SIPA1L1: variants seen among roughly 807,000 people sequenced by gnomAD.
SIPA1L1 encodes the protein signal induced proliferation associated 1 like 1.
A neutral mutation model predicts 162.7 loss-of-function variants in SIPA1L1; 26 were observed. That is an observed-to-expected ratio of 0.16 (90% confidence interval 0.12 to 0.22). The LOEUF is 0.22. Among genes scored for constraint, SIPA1L1 ranks in the 10% least tolerant of loss-of-function variants. The pLI, the probability that SIPA1L1 is intolerant of heterozygous loss-of-function variation, is 1.00. For missense variants in SIPA1L1, 1,874 were observed against 2,241.0 expected, an observed-to-expected ratio of 0.84 and a Z score of 3.31; for synonymous variants, 829 against 837.4, an observed-to-expected ratio of 0.99 and a Z score of 0.17.
intron 2 of SIPA1L1, among the ~76,000 whole-genome samples, chr14:71,359,913 T>C (rs1367641057): frequency 6.6e-6 from 1 of 152,180 alleles, no homozygotes; most frequent in Non-Finnish European, 1.5e-5. Flanking sequence ...GACTTGGACA[T>C]GTAGCTGATT....
intron 4 of SIPA1L1, among the ~76,000 whole-genome samples, chr14:71,545,280 T>C (rs1030914752): frequency 6.6e-6 from 1 of 152,230 alleles, no homozygotes; most frequent in Non-Finnish European, 1.5e-5. Flanking sequence ...TGGGATTTCA[T>C]TGATACTGTT....
At chr14:71,427,776 GA>G in intron 2 of SIPA1L1, among the ~76,000 whole-genome samples, 2 of 151,654 alleles carry the variant, frequency 1.3e-5, no homozygotes, top group African/African-American at 4.8e-5. Flanking sequence ...ATCTCTTTAT[GA>G]ATATTTTCAT....
intron 7 of SIPA1L1, among the ~76,000 whole-genome samples, chr14:71,634,682 A>G (rs2040942191): frequency 6.6e-6 from 1 of 152,140 alleles, no homozygotes; most frequent in Non-Finnish European, 1.5e-5. Flanking sequence ...CACGTCTGTA[A>G]TCCCAGCACT....
At chr14:71,576,313 G>A (rs1051502289) in intron 4 of SIPA1L1, among the ~76,000 whole-genome samples, 1 of 152,216 alleles carries the variant, frequency 6.6e-6, no homozygotes, top group Non-Finnish European at 1.5e-5. Context: ...GGGTCTTCAT[G>A]TACAAACTGC....
chr14:71,724,662 T>C lies in SIPA1L1; in HGVS notation c.4449-8T>C. 1 of 1,607,380 alleles carries C rather than the reference T, an allele frequency of 6.2e-7. No homozygotes were observed. The highest frequency in any genetic ancestry group is 8.5e-7 in the Non-Finnish European group (1 of 1,177,796). On this transcript the variant is annotated splice_region_variant and splice_polypyrimidine_tract_variant and intron_variant, in intron 18 of 23. Transcript: ENST00000381232. ...TGGTATCTATCATCTCTTCCCTTTT[T>C]TGTCCAGGCGTCATCAGAGCGATGG...
intron 2 of SIPA1L1, among the ~76,000 whole-genome samples, chr14:71,426,880 C>T (rs2043609783): frequency 6.6e-6 from 1 of 152,190 alleles, no homozygotes; most frequent in Non-Finnish European, 1.5e-5. Context: ...AGAATTACAT[C>T]TTTATACCTT....
intron 2 of SIPA1L1, among the ~76,000 whole-genome samples, chr14:71,351,975 G>A (rs1220813277): frequency 6.6e-6 from 1 of 150,478 alleles, no homozygotes; most frequent in South Asian, 2.1e-4. Context: ...AATATATCTA[G>A]TATGTGAGAT....
intron 4 of SIPA1L1, among the ~76,000 whole-genome samples, chr14:71,546,461 A>G (rs2055212720): frequency 7.1e-6 from 1 of 140,762 alleles, no homozygotes; most frequent in South Asian, 2.2e-4. Flanking sequence ...AGCTCACTGC[A>G]ACCTCCGCCT....
chr14:71,606,208 T>C (rs182446852), intron 5 of SIPA1L1, among the ~76,000 whole-genome samples: 3 of 152,236 alleles, frequency 2.0e-5, no homozygotes, highest in African/African-American at 7.2e-5. Flanking sequence ...GTGGAAAACA[T>C]GCCCTTCCCT....
chr14:71,440,633 T>TGA (rs1449345456), intron 2 of SIPA1L1, among the ~76,000 whole-genome samples: 13 of 103,558 alleles, frequency 1.3e-4, no homozygotes, highest in African/African-American at 5.1e-4. Flanking sequence ...TGGGTGACAG[T>TGA]GAGAACCCAT....
At chr14:71,351,076 T>C (rs538554616) in intron 2 of SIPA1L1, among the ~76,000 whole-genome samples, 3 of 152,362 alleles carry the variant, frequency 2.0e-5, no homozygotes, top group Admixed American at 2.0e-4. Context: ...CAAATTACTT[T>C]TCAAGTTTAA....
At chr14:71,671,027 G>A (rs532836709) in intron 10 of SIPA1L1, 92 bp from the exon 11 acceptor site, 1 of 986,074 alleles carries the variant, frequency 1.0e-6, no homozygotes, top group East Asian at 2.4e-5. Flanking sequence ...TTGTATCTGA[G>A]GTACATCTTT....
chr14:71,537,523 C>T lies in SIPA1L1; in HGVS notation c.-303+8153C>T, dbSNP rs143175290. Among the ~76,000 whole-genome samples, 15 of 152,258 alleles carry T rather than the reference C, an allele frequency of 9.9e-5. No individual in the cohort carries two copies. The East Asian group carries it at 2.1e-3, about 22-fold the overall frequency. On this transcript the variant is annotated intron_variant, in intron 4 of 23. Coordinates refer to ENST00000381232, the MANE Select transcript of SIPA1L1 (RefSeq NM_001386936.1). ...CCTGGCTAAGTTTACTACTTCTACA[C>T]GAAGACAGACTGATAGGTTTTTATT...
chr14:71,737,399 G>T (rs1017031171), intron 22 of SIPA1L1, among the ~76,000 whole-genome samples: 1 of 152,156 alleles, frequency 6.6e-6, no homozygotes, highest in African/African-American at 2.4e-5. Context: ...TCTGTGGTGT[G>T]CCCCTGAGGA....
At chr14:71,539,141 C>G (rs1451038239) in intron 4 of SIPA1L1, among the ~76,000 whole-genome samples, 2 of 152,166 alleles carry the variant, frequency 1.3e-5, no homozygotes, top group Admixed American at 1.3e-4. Context: ...GTTTGGAGGA[C>G]AGTCAGTGCA....
intron 10 of SIPA1L1, among the ~76,000 whole-genome samples, chr14:71,663,246 G>A (rs1427223951): frequency 2.6e-5 from 4 of 152,088 alleles, no homozygotes; most frequent in Admixed American, 1.3e-4. Context: ...TGTGATTTCA[G>A]CATTTAACAA....
At chr14:71,654,739 A>G (rs2042917142) in intron 8 of SIPA1L1, among the ~76,000 whole-genome samples, 3 of 152,202 alleles carry the variant, frequency 2.0e-5, no homozygotes, top group Admixed American at 6.5e-5. Context: ...TTAAAGCTCT[A>G]TACAAATATG....
intron 17 of SIPA1L1, among the ~76,000 whole-genome samples, chr14:71,720,264 T>C (rs1354111257): frequency 6.6e-6 from 1 of 152,192 alleles, no homozygotes; most frequent in Non-Finnish European, 1.5e-5. Flanking sequence ...ACATCCTCTT[T>C]AGGGCCAATA....
At chr14:71,735,441 A>C (rs1187417736) in intron 22 of SIPA1L1, 50 bp downstream of exon 22, 1 of 1,265,108 alleles carries the variant, frequency 7.9e-7, no homozygotes, top group South Asian at 1.2e-5. Context: ...CACATCTGCC[A>C]CTGACTGCAT....
Sources: gnomAD v4.1 joint callset for allele counts (sites outside exome capture counted in the v4.1 genomes callset) on GRCh38, gnomAD v4.1.1 for gene constraint, MANE v1.5 for transcripts, NCBI Gene and HGNC (gene_info 2026-07-23, HGNC 2026-07-21) for gene names.